HIVEP3: variants seen among roughly 807,000 people sequenced by gnomAD.
The protein encoded by HIVEP3 is transcription factor HIVEP3.
Under a neutral mutation model 152.8 loss-of-function variants are expected in HIVEP3, and 49 were observed. The ratio of observed to expected loss-of-function variants is 0.32; its 90% CI spans 0.26 to 0.41. The LOEUF (loss-of-function observed/expected upper bound fraction) is 0.41, where lower values mean the gene tolerates loss of function less well. HIVEP3 is among the 10% of genes least tolerant of loss of function. The probability of loss-of-function intolerance (pLI) is 1.00; values close to 1 mark genes in which losing one functional copy is unlikely to be tolerated. For missense variants in HIVEP3, 2,790 were observed against 3,103.3 expected, an observed-to-expected ratio of 0.90 and a Z score of 2.40; for synonymous variants, 1,269 against 1,289.0, an observed-to-expected ratio of 0.98 and a Z score of 0.33.
At chr1:41,811,725 G>T (rs349443) in intron 1 of HIVEP3, among the ~76,000 whole-genome samples, 59,188 of 151,446 alleles carry the variant, frequency 0.39, 12,020 homozygotes, top group African/African-American at 0.47. Context: ...CGTCAGGAGA[G>T]GGTGAGAAAT....
At chr1:41,834,106 C>T (rs533325546) in intron 1 of HIVEP3, among the ~76,000 whole-genome samples, 1 of 152,198 alleles carries the variant, frequency 6.6e-6, no homozygotes, top group Non-Finnish European at 1.5e-5. Context: ...GTGAGCCCGG[C>T]TCCCTCTGGG....
chr1:41,528,360 C>T (rs1263759289), intron 5 of HIVEP3, among the ~76,000 whole-genome samples: 24 of 142,776 alleles, frequency 1.7e-4, no homozygotes, highest in South Asian at 7.1e-4. Context: ...CTCCACACCC[C>T]GCCCTTACAC....
chr1:41,740,668 C>T (rs1436507716), intron 1 of HIVEP3, among the ~76,000 whole-genome samples: 1 of 152,248 alleles, frequency 6.6e-6, no homozygotes, highest in Non-Finnish European at 1.5e-5. Flanking sequence ...ACACTTCCTC[C>T]TTCACTCATC....
In HIVEP3 at chr1:41,998,442, TG is replaced by T. The variant is rs111298907; in HGVS notation, n.119+37364del. Among the ~76,000 whole-genome samples the T allele has an allele frequency of 5.0e-3, 757 of 152,310 alleles. 7 individuals carry two copies. The highest frequency in any genetic ancestry group is 0.018 in the African/African-American group (736 of 41,556). On this transcript the variant is annotated intron_variant and non_coding_transcript_variant, in intron 1 of 3. Transcript: ENST00000489103. ...GTGAAAATTAAGCAAAATGATGTCA[TG>T]TCATGATGTCATACTTTTTGCTAAA...
At chr1:41,663,644 G>GCTTTAATGGAGGGAACCCCCAC (rs1645752275) in intron 2 of HIVEP3, among the ~76,000 whole-genome samples, 1 of 152,184 alleles carries the variant, frequency 6.6e-6, no homozygotes, top group Non-Finnish European at 1.5e-5. Flanking sequence ...CAGACCCCCA[G>GCTTTAATGGAGGGAACCCCCAC]CTTTAATGGA....
upstream of HIVEP3, among the ~76,000 whole-genome samples, chr1:41,921,687 A>G (rs1644942452): frequency 6.9e-6 from 1 of 144,484 alleles, no homozygotes; most frequent in Admixed American, 6.9e-5. Context: ...TCCCAAACTC[A>G]GAGAATCAGG....
At position 41,513,425 on chromosome 1, in the gene HIVEP3, G is replaced by A. The variant is rs554773716; in HGVS notation, c.5796C>T (p.Ser1932=). 1.2e-6 allele frequency: 2 copies of A among 1,612,344 alleles called. No individual in the cohort carries two copies. Among genetic ancestry groups the A allele is most frequent in the South Asian group, 1.1e-5 (1 of 91,040 alleles). ...AGGGGAGGCCCGGCATGCTCTGGCT[G>A]GACATGGAGCAGCTGCTGGCTGTCA... ...ERLTASSCSM[S]SQSMPGLPWL... The change falls in exon 8 of 9, where the codon TCC becomes TCT. Residue 1932 remains serine, a synonymous_variant. Transcript: ENST00000372583.
At chr1:41,986,984 A>G (rs1364902315) in intron 1 of HIVEP3, among the ~76,000 whole-genome samples, 1 of 152,216 alleles carries the variant, frequency 6.6e-6, no homozygotes, top group East Asian at 1.9e-4. Flanking sequence ...ATCGACAAAT[A>G]TCTGTATACT....
At chr1:41,963,395 A>T (rs900398016) in intron 1 of HIVEP3, among the ~76,000 whole-genome samples, 2 of 151,990 alleles carry the variant, frequency 1.3e-5, no homozygotes, top group Non-Finnish European at 2.9e-5. Context: ...GCTGAGAATG[A>T]TGGTTTCCAG....
intron 5 of HIVEP3, among the ~76,000 whole-genome samples, chr1:41,534,365 C>T (rs1009527223): frequency 6.6e-6 from 1 of 152,066 alleles, no homozygotes; most frequent in African/African-American, 2.4e-5. Flanking sequence ...GCTGCACTCC[C>T]CCTCCAGCCA....
chr1:41,858,738 A>G (rs940921247), intron 1 of HIVEP3, among the ~76,000 whole-genome samples: 4 of 152,252 alleles, frequency 2.6e-5, no homozygotes, highest in Admixed American at 2.6e-4. Context: ...AAAGTAAAAC[A>G]AGATGATGTG....
intron 1 of HIVEP3, among the ~76,000 whole-genome samples, chr1:41,932,545 T>C (rs562602615): frequency 1.3e-5 from 2 of 152,068 alleles, no homozygotes; most frequent in South Asian, 2.1e-4. Flanking sequence ...ATTTCTGATA[T>C]TGATAATTTG....
chr1:41,560,836 T>C (rs1644049261), intron 5 of HIVEP3, among the ~76,000 whole-genome samples: 1 of 152,134 alleles, frequency 6.6e-6, no homozygotes, highest in South Asian at 2.1e-4. Flanking sequence ...CCTGCAGGTG[T>C]TCCAGCAAGC....
At chr1:41,654,371 G>T (rs1378325525) in intron 2 of HIVEP3, among the ~76,000 whole-genome samples, 1 of 152,166 alleles carries the variant, frequency 6.6e-6, no homozygotes, top group Non-Finnish European at 1.5e-5. Context: ...CAGTAACAGA[G>T]ATTTAATTAC....
At chr1:41,867,596 T>A (rs551528064) in intron 1 of HIVEP3, among the ~76,000 whole-genome samples, 21 of 152,330 alleles carry the variant, frequency 1.4e-4, no homozygotes, top group African/African-American at 5.0e-4. Context: ...TGAGAAAATA[T>A]GCTGCATGGA....
chr1:41,808,500 A>T (rs1558287795), intron 1 of HIVEP3, among the ~76,000 whole-genome samples: 1 of 152,224 alleles, frequency 6.6e-6, no homozygotes, highest in East Asian at 1.9e-4. Flanking sequence ...CTGGGAACCA[A>T]CAATTTGTTG....
chr1:42,000,045 C>T (rs1645418134), intron 1 of HIVEP3, among the ~76,000 whole-genome samples: 1 of 152,146 alleles, frequency 6.6e-6, no homozygotes, highest in South Asian at 2.1e-4. Context: ...TTCATTAATT[C>T]ATAATTGAAA....
intron 1 of HIVEP3, chr1:41,869,759 C>T (rs1258705338): frequency 6.6e-6 from 1 of 152,130 alleles, no homozygotes; most frequent in Non-Finnish European, 1.5e-5. Flanking sequence ...TATGTCCCAA[C>T]TCATTAGACT....
chr1:42,015,155 G>A (rs918941468), intron 1 of HIVEP3, among the ~76,000 whole-genome samples: 2 of 152,166 alleles, frequency 1.3e-5, no homozygotes, highest in African/African-American at 4.8e-5. Flanking sequence ...CCAAAGCAAA[G>A]AAATAAAATC....
Sources: gnomAD v4.1 joint callset for allele counts (sites outside exome capture counted in the v4.1 genomes callset) on GRCh38, gnomAD v4.1.1 for gene constraint, MANE v1.5 for transcripts, NCBI Gene and HGNC (gene_info 2026-07-23, HGNC 2026-07-21) for gene names.